The following MAGI2 variants were observed in gnomAD, a reference collection of about 807,000 sequenced individuals.
MAGI2 encodes the protein membrane associated guanylate kinase, WW and PDZ domain containing 2.
MAGI2 carries 35 observed loss-of-function variants against 133.3 expected under a neutral mutation model. That is an observed-to-expected ratio of 0.26 (90% CI 0.20 to 0.35). The LOEUF (loss-of-function observed/expected upper bound fraction) is 0.35. Ranked by LOEUF, MAGI2 falls within the 10% of genes least tolerant of loss-of-function variation. MAGI2 has a pLI of 1.00. For missense variants in MAGI2, 1,636 were observed against 1,863.4 expected (o/e 0.88, Z 2.25); for synonymous variants, 729 against 710.6 (o/e 1.03, Z -0.41).
intron 1 of MAGI2, among the ~76,000 whole-genome samples, chr7:79,452,360 G>A (rs1303553293): frequency 6.6e-6 from 1 of 152,178 alleles, no homozygotes; most frequent in African/African-American, 2.4e-5. Flanking sequence ...CGCACGTGAC[G>A]CGCGATGCCC....
chr7:78,569,405 G>A (rs1801277416), intron 3 of MAGI2, among the ~76,000 whole-genome samples: 1 of 152,110 alleles, frequency 6.6e-6, no homozygotes, highest in South Asian at 2.1e-4. Context: ...ACATGCATGT[G>A]CAAGGACACA....
chr7:79,109,271 G>T (rs1437791233), intron 1 of MAGI2, among the ~76,000 whole-genome samples: 1 of 152,170 alleles, frequency 6.6e-6, no homozygotes, highest in African/African-American at 2.4e-5. Context: ...TTAGAGACTA[G>T]TTAAATGCTT....
intron 6 of MAGI2, among the ~76,000 whole-genome samples, chr7:78,467,040 A>C (rs1790709125): frequency 6.6e-6 from 1 of 152,180 alleles, no homozygotes; most frequent in Non-Finnish European, 1.5e-5. Flanking sequence ...TTCAATTTAC[A>C]GTTGAGGAAA....
At chr7:79,085,234 C>T (rs1816383689) in intron 1 of MAGI2, among the ~76,000 whole-genome samples, 1 of 151,658 alleles carries the variant, frequency 6.6e-6, no homozygotes. Context: ...CTAGTTCTTT[C>T]TTCTGCTAGT....
chr7:79,297,793 CA>C (rs1305806064), intron 1 of MAGI2, among the ~76,000 whole-genome samples: 1 of 152,142 alleles, frequency 6.6e-6, no homozygotes, highest in African/African-American at 2.4e-5. Flanking sequence ...TTGCCTGAGG[CA>C]AAATGAATGG....
chr7:78,567,093 T>G (rs944231656), intron 3 of MAGI2, among the ~76,000 whole-genome samples: 2 of 152,188 alleles, frequency 1.3e-5, no homozygotes, highest in African/African-American at 4.8e-5. Context: ...CAAAGAAACT[T>G]TGTCCCCGTT....
intron 18 of MAGI2, among the ~76,000 whole-genome samples, chr7:78,127,877 T>C (rs1821156689): frequency 6.6e-6 from 1 of 152,116 alleles, no homozygotes. Flanking sequence ...AAAAACATGA[T>C]TGAAGTGATC....
chr7:79,172,198 C>T (rs1387047441), intron 1 of MAGI2, among the ~76,000 whole-genome samples: 3 of 151,882 alleles, frequency 2.0e-5, no homozygotes, highest in African/African-American at 7.2e-5. Context: ...ATGGAAAATA[C>T]AATAAAAAAT....
At chr7:78,341,041 T>G (rs559095991) in intron 9 of MAGI2, among the ~76,000 whole-genome samples, 1 of 152,306 alleles carries the variant, frequency 6.6e-6, no homozygotes, top group South Asian at 2.1e-4. Flanking sequence ...ATTACATGAT[T>G]GTATATTTAG....
At chr7:79,241,136 T>A (rs1832378861) in intron 1 of MAGI2, among the ~76,000 whole-genome samples, 2 of 152,132 alleles carry the variant, frequency 1.3e-5, no homozygotes, top group South Asian at 4.1e-4. Flanking sequence ...CTCTCTACCA[T>A]CCCAAATTCA....
chr7:78,267,343 A>G (rs113600485), intron 9 of MAGI2, among the ~76,000 whole-genome samples: 192 of 152,320 alleles, frequency 1.3e-3, no homozygotes, highest in African/African-American at 3.9e-3. Flanking sequence ...ATGTGACTGT[A>G]TATTGCATGC....
chr7:78,598,630 T>G (rs1395124682), intron 3 of MAGI2, among the ~76,000 whole-genome samples: 4 of 152,222 alleles, frequency 2.6e-5, no homozygotes, highest in African/African-American at 9.6e-5. Flanking sequence ...GGTGATAGCA[T>G]GGAGAATGAA....
In MAGI2 at chr7:79,029,110, T is replaced by TA. The variant is rs557132464; in HGVS notation, c.302-21905dup. Among the ~76,000 whole-genome samples the TA allele has an allele frequency of 2.8e-3, 424 of 152,296 alleles. 3 individuals carry two copies. The highest frequency in any genetic ancestry group is 9.4e-3 in the African/African-American group (390 of 41,572). The stretch of plus-strand genomic sequence containing the variant: ...ACACCTGTTTTTATTCTGTACTACT[T>TA]AAAATCATACTATGGCAATGAAAAA... On this transcript the variant is annotated intron_variant, in intron 1 of 21. Transcript: ENST00000354212.
At chr7:78,727,498 T>C (rs1463440988) in intron 2 of MAGI2, among the ~76,000 whole-genome samples, 3 of 152,238 alleles carry the variant, frequency 2.0e-5, no homozygotes, top group African/African-American at 7.2e-5. Flanking sequence ...TAGTTCTTTA[T>C]TAATGAAGAA....
At chr7:79,212,884 C>T (rs1482266291) in intron 1 of MAGI2, among the ~76,000 whole-genome samples, 1 of 152,016 alleles carries the variant, frequency 6.6e-6, no homozygotes, top group Non-Finnish European at 1.5e-5. Context: ...TTTTGAGCCA[C>T]TGTTTTCTTC....
At chr7:79,228,673 T>C (rs1369054880) in intron 1 of MAGI2, among the ~76,000 whole-genome samples, 2 of 152,096 alleles carry the variant, frequency 1.3e-5, no homozygotes, top group Non-Finnish European at 2.9e-5. Flanking sequence ...CAGATTGTTA[T>C]GGTTATTTAT....
intron 1 of MAGI2, among the ~76,000 whole-genome samples, chr7:79,065,906 C>A (rs1284586447): frequency 6.6e-6 from 1 of 152,268 alleles, no homozygotes; most frequent in East Asian, 1.9e-4. Context: ...TTTTTTATGG[C>A]TGCATAGTAT....
intron 21 of MAGI2, among the ~76,000 whole-genome samples, chr7:78,071,261 C>T (rs968344550): frequency 8.6e-5 from 13 of 151,974 alleles, no homozygotes; most frequent in African/African-American, 3.1e-4. Context: ...CCTGGCTGGG[C>T]CTGGTGGCTC....
chr7:78,077,730 T>TTTG (rs1563091298), intron 21 of MAGI2, among the ~76,000 whole-genome samples: 1 of 145,418 alleles, frequency 6.9e-6, no homozygotes, highest in African/African-American at 2.6e-5. Flanking sequence ...AGAATGTTTT[T>TTTG]TTTTTTTTTT....
Sources: gnomAD v4.1 joint callset for allele counts (sites outside exome capture counted in the v4.1 genomes callset) on GRCh38, gnomAD v4.1.1 for gene constraint, MANE v1.5 for transcripts, NCBI Gene and HGNC (gene_info 2026-07-23, HGNC 2026-07-21) for gene names.